The following TPST1 variants were observed in gnomAD, a reference collection of about 807,000 sequenced individuals.
The protein encoded by TPST1 is tyrosylprotein sulfotransferase 1, also known as protein-tyrosine sulfotransferase 1.
In TPST1, 20 loss-of-function variants were observed where a neutral mutation model predicts 34.8. The observed-to-expected ratio is 0.57, with a 90% confidence interval of 0.40 to 0.84. The LOEUF (loss-of-function observed/expected upper bound fraction) is 0.84. TPST1 is among the 40% of genes least tolerant of loss of function. The pLI, the probability that TPST1 is intolerant of heterozygous loss-of-function variation, is 0.00. For missense variants in TPST1, 353 were observed against 455.5 expected (o/e 0.78, Z 2.05); for synonymous variants, 152 against 159.4 (o/e 0.95, Z 0.35).
chr7:66,241,009 C>A lies in TPST1; in HGVS notation c.584C>A (p.Ser195Tyr). ...DGRASVHSMI[S>Y]RKVTIAGFDL... ...CGGGCATCAGTACATTCAATGATTT[C>A]TCGAAAAGTTACTATAGCTGGATTT... Residue 195 changes from serine (S) to tyrosine (Y), a missense_variant, in exon 2 of 6, where the codon TCT becomes TAT. By Grantham distance (144) the Ser-to-Tyr change is moderately radical. Coordinates refer to ENST00000304842, the MANE Select transcript of TPST1 (RefSeq NM_003596.4). 6.2e-7 allele frequency: 1 copy of A among 1,614,192 alleles called. No individual in the cohort carries two copies.
At chr7:66,275,478 C>T (rs1790789472) in intron 2 of TPST1, among the ~76,000 whole-genome samples, 1 of 152,174 alleles carries the variant, frequency 6.6e-6, no homozygotes, top group South Asian at 2.1e-4. Flanking sequence ...CCCAAGCATC[C>T]ATTCACAGAT....
At chr7:66,296,648 T>G (rs1211782552) in intron 3 of TPST1, among the ~76,000 whole-genome samples, 1 of 150,156 alleles carries the variant, frequency 6.7e-6, no homozygotes, top group African/African-American at 2.4e-5. Flanking sequence ...ATAGGATTTA[T>G]ATCTCTAAGC....
intron 1 of TPST1, among the ~76,000 whole-genome samples, chr7:66,224,136 G>A (rs1038867591): frequency 6.6e-6 from 1 of 152,188 alleles, no homozygotes; most frequent in Non-Finnish European, 1.5e-5. Flanking sequence ...GTGTTCCCAT[G>A]TTGATGCTCT....
chr7:66,284,120 C>T (rs1183744116), intron 2 of TPST1, among the ~76,000 whole-genome samples: 1 of 152,306 alleles, frequency 6.6e-6, no homozygotes, highest in East Asian at 1.9e-4. Context: ...GGTTATACAG[C>T]AAAGCCTTTG....
At chr7:66,211,493 T>C (rs898328332) in intron 1 of TPST1, among the ~76,000 whole-genome samples, 2 of 152,350 alleles carry the variant, frequency 1.3e-5, no homozygotes, top group Middle Eastern at 3.4e-3. Flanking sequence ...TATCTTTTCA[T>C]CACTGCCTTG....
intron 2 of TPST1, among the ~76,000 whole-genome samples, chr7:66,255,705 G>C (rs986290552): frequency 6.6e-6 from 1 of 152,094 alleles, no homozygotes; most frequent in Admixed American, 6.5e-5. Context: ...GATGTTATTT[G>C]AATTTTCATT....
In TPST1 at chr7:66,289,146, G is replaced by C. The variant is rs1283317432; in HGVS notation, c.1044+2437G>C. On this transcript the variant is annotated intron_variant, in intron 3 of 5. Transcript: ENST00000304842. ...TTTTTGTCTTTGGCTCTGTTTATAT[G>C]CTGGATTACATTTATTGATTTGTGT... 6.7e-4 allele frequency among the ~76,000 whole-genome samples: 35 copies of C among 52,218 alleles called. 6 individuals carry two copies. The highest frequency in any genetic ancestry group is 1.0e-3 in the Non-Finnish European group (29 of 28,284). The allele number at this position is 52,218 out of a possible 152,430, so 34.3% of individuals were successfully genotyped here.
At chr7:66,331,215 A>G (rs946050056) in intron 3 of TPST1, among the ~76,000 whole-genome samples, 2 of 152,244 alleles carry the variant, frequency 1.3e-5, no homozygotes, top group African/African-American at 4.8e-5. Flanking sequence ...AGAGCAAGAT[A>G]GAGTGCTCAA....
chr7:66,240,857 A>G lies in TPST1; in HGVS notation c.432A>G (p.Glu144=), dbSNP rs775096687. ...CTGCCATGCAAGCCTTCTTACTAGA[A>G]ATTATCGTTAAGCATGGGGAGCCAG... ...LDSAMQAFLL[E]IIVKHGEPAP... Residue 144 remains glutamate (E), a synonymous_variant, in exon 2 of 6, where the codon GAA becomes GAG. Coordinates refer to ENST00000304842, the MANE Select transcript of TPST1 (RefSeq NM_003596.4). 3.1e-6 allele frequency: 5 copies of G among 1,614,072 alleles called. No homozygotes were observed. In the South Asian group the frequency reaches 3.3e-5, roughly 11 times the overall value.
At chr7:66,231,851 G>A (rs1053556797) in intron 1 of TPST1, among the ~76,000 whole-genome samples, 7 of 152,268 alleles carry the variant, frequency 4.6e-5, no homozygotes, top group Non-Finnish European at 8.8e-5. Context: ...GGCAGAGGAG[G>A]CGCCCAGAGC....
At chr7:66,348,665 C>T (rs1394069510) in intron 3 of TPST1, among the ~76,000 whole-genome samples, 1 of 152,168 alleles carries the variant, frequency 6.6e-6, no homozygotes, top group African/African-American at 2.4e-5. Flanking sequence ...AAACATTAAC[C>T]AAAGGAAATT....
rs111319260 is a variant in TPST1 at position 66,235,254 on chromosome 7, C to T, written c.-101-5071C>T. Among the ~76,000 whole-genome samples, 310 of 148,894 alleles carry T rather than the reference C, an allele frequency of 2.1e-3. 1 individual carries two copies. The highest frequency in any genetic ancestry group is 7.3e-3 in the African/African-American group (295 of 40,386). On this transcript the variant is annotated intron_variant, in intron 1 of 5. Coordinates refer to ENST00000304842, the MANE Select transcript of TPST1 (RefSeq NM_003596.4). ...AGACTGGAGTACAATGGCGCGAACT[C>T]GGCTCGCTGCAAGCTCCGCCTCCCG...
At chr7:66,270,544 TA>T (rs1790684899) in intron 2 of TPST1, among the ~76,000 whole-genome samples, 1 of 152,192 alleles carries the variant, frequency 6.6e-6, no homozygotes, top group African/African-American at 2.4e-5. Flanking sequence ...TCTTACTCAT[TA>T]AAAATAATTT....
intron 3 of TPST1, among the ~76,000 whole-genome samples, chr7:66,325,127 G>GA (rs1329738780): frequency 6.6e-6 from 1 of 152,160 alleles, no homozygotes; most frequent in Non-Finnish European, 1.5e-5. Flanking sequence ...AGAAGGTCAA[G>GA]AGGAAGCAAG....
intron 2 of TPST1, among the ~76,000 whole-genome samples, chr7:66,261,057 G>C (rs763084900): frequency 4.6e-5 from 7 of 152,064 alleles, no homozygotes; most frequent in African/African-American, 7.2e-5. Flanking sequence ...TCTCAACTTA[G>C]AGTCTGCTGG....
chr7:66,228,355 T>C (rs6977501), intron 1 of TPST1, among the ~76,000 whole-genome samples: 91,857 of 151,598 alleles, frequency 0.61, 28,440 homozygotes, highest in African/African-American at 0.73. Context: ...AAGGTAATTT[T>C]TGAAAGAAGT....
intron 3 of TPST1, among the ~76,000 whole-genome samples, chr7:66,320,112 T>C (rs1791720082): frequency 1.3e-5 from 2 of 152,200 alleles, no homozygotes; most frequent in Non-Finnish European, 2.9e-5. Context: ...TTCCCAATTA[T>C]ATGTGTTATT....
chr7:66,233,742 A>G lies in TPST1; in HGVS notation c.-101-6583A>G, dbSNP rs1043638955. 4.6e-5 allele frequency among the ~76,000 whole-genome samples: 7 copies of G among 152,350 alleles called. No individual in the cohort carries two copies. The South Asian group carries it at 1.0e-3, about 23-fold the overall frequency. The stretch of plus-strand genomic sequence containing the variant: ...AAATCAGTGATACCTGACTACGTCT[A>G]TCATAAAATTCATATCTTTAACTTG... On this transcript the variant is annotated intron_variant, in intron 1 of 5. Coordinates refer to ENST00000304842, the MANE Select transcript of TPST1 (RefSeq NM_003596.4).
chr7:66,332,253 G>A lies in TPST1; in HGVS notation c.1045-20252G>A, dbSNP rs141831060. ...AATGACATTTATTTTAAGTTGCACT[G>A]AGACTTTTGTTTACATCTTTTTTTT... On this transcript the variant is annotated intron_variant, in intron 3 of 5. Coordinates refer to ENST00000304842, the MANE Select transcript of TPST1 (RefSeq NM_003596.4). The surrounding 1 kb of genome is among the most constrained non-coding windows in gnomAD (Gnocchi z 4.5). 1.5e-3 allele frequency among the ~76,000 whole-genome samples: 230 copies of A among 151,792 alleles called. No homozygotes were observed. Among genetic ancestry groups the A allele is most frequent in the African/African-American group, 5.3e-3 (221 of 41,402 alleles).
Sources: gnomAD v4.1 joint callset for allele counts (sites outside exome capture counted in the v4.1 genomes callset) on GRCh38, gnomAD v4.1.1 for gene constraint, Gnocchi (gnomAD v3.1) non-coding constraint, MANE v1.5 for transcripts, NCBI Gene and HGNC (gene_info 2026-07-23, HGNC 2026-07-21) for gene names.